Variants in TRAM1 observed in about 807,000 individuals in gnomAD.
TRAM1 encodes translocation associated membrane protein 1.
In TRAM1, 17 loss-of-function variants were observed where a neutral mutation model predicts 48.7. That is an observed-to-expected ratio of 0.35 (90% CI 0.24 to 0.52). The LOEUF is 0.52. Ranked by LOEUF, TRAM1 falls within the 20% of genes least tolerant of loss-of-function variation. The pLI is 0.94. For synonymous variants in TRAM1, 182 were observed against 154.0 expected (o/e 1.18, Z -1.34); for missense variants, 351 against 441.5 (o/e 0.79, Z 1.84).
chr8:70,608,244 G>T lies in TRAM1; in HGVS notation c.-45C>A, dbSNP rs200062150. The T allele has an allele frequency of 2.2e-5, 34 of 1,539,714 alleles. No homozygotes were observed. In the African/African-American group the frequency reaches 4.0e-4, roughly 18 times the overall value. ...CCTGCAGGTGCTCCGCCCCGGTTCT[G>T]CTCTTCCCAGCTGCTCACCGACTCG... On this transcript the variant is annotated 5_prime_UTR_variant, in exon 1 of 11. Transcript: ENST00000262213.
chr8:70,605,153 A>G (rs935973188), intron 1 of TRAM1, among the ~76,000 whole-genome samples: 3 of 152,214 alleles, frequency 2.0e-5, no homozygotes, highest in African/African-American at 7.2e-5. Flanking sequence ...TCACATAAAA[A>G]TGCTTTCTAT....
Position 70,574,070 on chromosome 8 carries a change from G to T in TRAM1, c.*862C>A. On this transcript the variant is annotated 3_prime_UTR_variant, in exon 11 of 11. Coordinates refer to ENST00000262213, the MANE Select transcript of TRAM1 (RefSeq NM_014294.6). ...TCTTTTTATAGATATAAATCAAGTAGGCATTATGTTTTAAAAGTGTTTGCA... is the reference window on the plus strand; with the variant it reads ...TCTTTTTATAGATATAAATCAAGTATGCATTATGTTTTAAAAGTGTTTGCA... The T allele has an allele frequency of 4.1e-6, 1 of 243,194 alleles. No homozygotes were observed. Among genetic ancestry groups the T allele is most frequent in the Non-Finnish European group, 8.2e-6 (1 of 121,434 alleles). The allele number at this position is 243,194 out of a possible 1,614,324, so 15.1% of individuals were successfully genotyped here. A position where few individuals can be genotyped will look rare whatever the true frequency, so the allele number is the denominator to read the frequency against.
chr8:70,583,203 G>T lies in TRAM1; in HGVS notation c.1012C>A (p.Pro338Thr). 6.2e-7 allele frequency: 1 copy of T among 1,613,810 alleles called. No individual in the cohort carries two copies. Among genetic ancestry groups the T allele is most frequent in the Non-Finnish European group, 8.5e-7 (1 of 1,179,914 alleles). Residue 338 changes from proline to threonine, a missense_variant, in exon 10 of 11, where the codon CCA (proline) becomes ACA (threonine). Pro to Thr is a conservative substitution (Grantham distance 38). Coordinates refer to ENST00000262213, the MANE Select transcript of TRAM1 (RefSeq NM_014294.6). ...GAAGATCTGCCTTTAGTTACTGTTG[G>T]TTTCTTCTTCACAGCTGGTGCCTGA... ...AFQAPAVKKK[P>T]TVTKGRSSKK...
Position 70,583,173 on chromosome 8 carries a change from T to C in TRAM1, c.1042A>G (p.Lys348Glu). Residue 348 changes from lysine (K) to glutamate (E), a missense_variant, in exon 10 of 11, where the codon AAA (lysine) becomes GAA (glutamate). Physicochemically the swap from Lys to Glu is moderately conservative, Grantham distance 56. Coordinates refer to ENST00000262213, the MANE Select transcript of TRAM1 (RefSeq NM_014294.6). Reference sequence around the variant, plus strand: ...CTTACTGAATACAAACCTGTTCCTTTTTTAGAAGATCTGCCTTTAGTTACT... The same window carrying C: ...CTTACTGAATACAAACCTGTTCCTTCTTTAGAAGATCTGCCTTTAGTTACT... ...PTVTKGRSSK[K>E]GTENGVNGTL... The C allele has an allele frequency of 6.2e-7, 1 of 1,613,270 alleles. No individual in the cohort carries two copies. The highest frequency in any genetic ancestry group is 8.5e-7 in the Non-Finnish European group (1 of 1,179,792).
At chr8:70,608,027 C>A in intron 1 of TRAM1, 50 bp downstream of exon 1, 2 of 1,528,844 alleles carry the variant, frequency 1.3e-6, no homozygotes, top group Non-Finnish European at 1.8e-6. Flanking sequence ...GGAGCCCGGG[C>A]CCGGGCTGGA....
chr8:70,583,943 G>C (rs1001380972), intron 8 of TRAM1, 150 bp from the exon 9 acceptor site: 7 of 846,114 alleles, frequency 8.3e-6, no homozygotes, highest in Non-Finnish European at 1.2e-5. Flanking sequence ...AAACCAGAAG[G>C]TGGAGGTCAC....
At chr8:70,583,564 C>T in intron 9 of TRAM1, 86 bp downstream of exon 9, 1 of 1,513,246 alleles carries the variant, frequency 6.6e-7, no homozygotes, top group Non-Finnish European at 8.9e-7. Flanking sequence ...TCATATTCAT[C>T]CTTTTTTAGA....
chr8:70,587,275 AAC>A, intron 6 of TRAM1, 99 bp from the exon 7 acceptor site: 2 of 1,187,594 alleles, frequency 1.7e-6, no homozygotes, highest in Non-Finnish European at 2.4e-6. Context: ...TTGGTCTCAA[AAC>A]CTTGGACTCA....
chr8:70,606,936 A>T (rs1817732689), intron 1 of TRAM1: 1 of 819,926 alleles, frequency 1.2e-6, no homozygotes, highest in African/African-American at 1.8e-5. Context: ...AACGTCGCTC[A>T]TCTTTTTTTA....
chr8:70,607,556 G>C (rs1463881234), intron 1 of TRAM1: 1 of 909,122 alleles, frequency 1.1e-6, no homozygotes, highest in Non-Finnish European at 1.3e-6. Context: ...GGGCTCCCCT[G>C]TCACTCGGGG....
chr8:70,594,222 A>G (rs1817430428), intron 6 of TRAM1, among the ~76,000 whole-genome samples: 1 of 151,848 alleles, frequency 6.6e-6, no homozygotes, highest in African/African-American at 2.4e-5. Context: ...TTAAATTTTA[A>G]TTTACATTAC....
intron 10 of TRAM1, among the ~76,000 whole-genome samples, chr8:70,578,363 C>T (rs1817005979): frequency 1.3e-5 from 2 of 152,240 alleles, no homozygotes; most frequent in Non-Finnish European, 2.9e-5. Flanking sequence ...CCCATCTCAG[C>T]CTCCCAAAGT....
Position 70,583,737 on chromosome 8 carries a change from G to A in TRAM1, c.803C>T (p.Ser268Leu). 1 of 1,606,494 alleles carries A rather than the reference G, an allele frequency of 6.2e-7. No homozygotes were observed. Among genetic ancestry groups the A allele is most frequent in the Non-Finnish European group, 8.5e-7 (1 of 1,177,594 alleles). ...VLGRLLTLIL[S>L]VLTVGFGLAR... ...AAGGCCAAAACCAACAGTCAGTACT[G>A]AAAGAATTAAAGTCAGAAGTCTTCC... Residue 268 changes from serine (S) to leucine (L), a missense_variant, in exon 9 of 11, where the codon TCA becomes TTA. By Grantham distance (145) the Ser-to-Leu change is moderately radical. Coordinates refer to ENST00000262213, the MANE Select transcript of TRAM1 (RefSeq NM_014294.6).
chr8:70,597,357 G>T (rs1817510465), intron 4 of TRAM1, among the ~76,000 whole-genome samples: 1 of 152,008 alleles, frequency 6.6e-6, no homozygotes, highest in Admixed American at 6.6e-5. Flanking sequence ...TGATACAGAG[G>T]TATCTGTAAA....
chr8:70,584,469 A>G (rs1586753868), intron 8 of TRAM1, among the ~76,000 whole-genome samples: 2 of 152,344 alleles, frequency 1.3e-5, no homozygotes, highest in African/African-American at 4.8e-5. Flanking sequence ...AGGGTATTCA[A>G]TTAGGAAAAG....
rs73685673 is a variant in TRAM1, at chr8:70,581,738, C to A, written c.1051+1426G>T. ...ATCCATCAAATGATGAATGGATAAA[C>A]AAAATATGGTATACATCCATCCAAA... is the stretch of plus-strand genomic sequence containing the variant. On this transcript the variant is annotated intron_variant, in intron 10 of 10. Transcript: ENST00000262213. Among the ~76,000 whole-genome samples, 808 of 152,228 alleles carry A rather than the reference C, an allele frequency of 5.3e-3. 10 individuals are homozygous for A. Among genetic ancestry groups the A allele is most frequent in the African/African-American group, 0.019 (775 of 41,530 alleles).
chr8:70,595,107 A>T (rs1292358380), intron 5 of TRAM1, among the ~76,000 whole-genome samples: 1 of 151,938 alleles, frequency 6.6e-6, no homozygotes, highest in Non-Finnish European at 1.5e-5. Context: ...GCCCCAAATA[A>T]ATGGAGGCAG....
At chr8:70,584,013 C>CA (rs772142395) in intron 8 of TRAM1, among the ~76,000 whole-genome samples, 182 of 151,432 alleles carry the variant, frequency 1.2e-3, no homozygotes, top group Admixed American at 2.5e-3. Flanking sequence ...AACTCCATCT[C>CA]AAAAAAATAA....
At chr8:70,607,563 G>T (rs1817769877) in intron 1 of TRAM1, 3 of 879,472 alleles carry the variant, frequency 3.4e-6, no homozygotes, top group Non-Finnish European at 4.1e-6. Flanking sequence ...CCTGTCACTC[G>T]GGGCCTGTGG....
Sources: gnomAD v4.1 joint callset for allele counts (sites outside exome capture counted in the v4.1 genomes callset) on GRCh38, gnomAD v4.1.1 for gene constraint, MANE v1.5 for transcripts, NCBI Gene and HGNC (gene_info 2026-07-23, HGNC 2026-07-21) for gene names.